The following TANC2 variants were observed in gnomAD, a reference collection of about 807,000 sequenced individuals.
TANC2 encodes tetratricopeptide repeat, ankyrin repeat and coiled-coil containing 2.
Under a neutral mutation model 210.5 loss-of-function variants are expected in TANC2, and 26 were observed. The observed-to-expected ratio is 0.12, with a 90% CI of 0.09 to 0.17. TANC2 has a LOEUF of 0.17. Ranked by LOEUF, TANC2 falls within the 10% of genes least tolerant of loss-of-function variation. The probability of loss-of-function intolerance (pLI) is 1.00; values close to 1 mark genes in which losing one functional copy is unlikely to be tolerated. For missense variants in TANC2, 2,129 were observed against 2,608.9 expected, an observed-to-expected ratio of 0.82 and a Z score of 4.01; for synonymous variants, 931 against 967.1, an observed-to-expected ratio of 0.96 and a Z score of 0.69.
chr17:63,360,241 C>A (rs1198520989), intron 14 of TANC2, among the ~76,000 whole-genome samples: 1 of 152,228 alleles, frequency 6.6e-6, no homozygotes, highest in Non-Finnish European at 1.5e-5. Context: ...CTTACCCTCA[C>A]TGAAGCACAA....
chr17:63,175,902 C>G (rs62077967), intron 5 of TANC2, among the ~76,000 whole-genome samples: 2,688 of 152,288 alleles, frequency 0.018, 45 homozygotes, highest in Non-Finnish European at 0.028. Context: ...AATATTTGAA[C>G]AGTTGTTCAC....
At chr17:62,969,321 A>G (rs1396752507) in intron 1 of TANC2, among the ~76,000 whole-genome samples, 1 of 152,254 alleles carries the variant, frequency 6.6e-6, no homozygotes, top group African/African-American at 2.4e-5. Context: ...GCTGAGAAGT[A>G]GAAGAGCTAA....
At chr17:63,260,659 G>A (rs2043328669) in intron 8 of TANC2, among the ~76,000 whole-genome samples, 1 of 151,894 alleles carries the variant, frequency 6.6e-6, no homozygotes, top group Non-Finnish European at 1.5e-5. Context: ...CGCCTACTCG[G>A]AAGGCTAAGG....
chr17:63,261,817 A>C (rs756100637), intron 8 of TANC2, among the ~76,000 whole-genome samples: 3 of 152,238 alleles, frequency 2.0e-5, no homozygotes, highest in African/African-American at 7.2e-5. Context: ...CATTTTCAGC[A>C]CAACAAACTC....
chr17:63,297,587 G>T (rs2044574871), intron 9 of TANC2, among the ~76,000 whole-genome samples: 1 of 152,032 alleles, frequency 6.6e-6, no homozygotes, highest in African/African-American at 2.4e-5. Context: ...ACAGATAAGA[G>T]CTCCAACTGT....
rs142878673 is a variant in TANC2 at position 62,970,144 on chromosome 17, A to G, written c.-24+3395A>G. ...ATTGCTTCTGCCATTCTTTTTCAACAGAAACCTTTCCTTATTGTGCTGCGA... is the reference window on the plus strand; with the variant it reads ...ATTGCTTCTGCCATTCTTTTTCAACGGAAACCTTTCCTTATTGTGCTGCGA... On this transcript the variant is annotated intron_variant, in intron 1 of 27. Transcript: ENST00000689528. 3.5e-3 allele frequency among the ~76,000 whole-genome samples: 529 copies of G among 152,352 alleles called. 3 individuals carry two copies. Among genetic ancestry groups the G allele is most frequent in the African/African-American group, 0.012 (490 of 41,584 alleles).
intron 7 of TANC2, among the ~76,000 whole-genome samples, chr17:63,205,897 G>A (rs2041694437): frequency 6.6e-6 from 1 of 151,912 alleles, no homozygotes; most frequent in African/African-American, 2.4e-5. Flanking sequence ...GACAGAGCAA[G>A]ACTTCATCTC....
At chr17:63,426,684 T>C (rs966434587) in exon 28 of TANC2, 21 of 152,296 alleles carry the variant, frequency 1.4e-4, no homozygotes, top group African/African-American at 5.1e-4. Context: ...TGCCTCCTGC[T>C]GACTCTGATA....
intron 2 of TANC2, among the ~76,000 whole-genome samples, chr17:63,047,591 G>A (rs1045654943): frequency 9.9e-5 from 15 of 152,080 alleles, no homozygotes; most frequent in South Asian, 8.3e-4. Flanking sequence ...TGAGTTTGAG[G>A]TATATTTGAG....
intron 9 of TANC2, among the ~76,000 whole-genome samples, chr17:63,294,416 G>A (rs1031184406): frequency 6.6e-6 from 1 of 152,046 alleles, no homozygotes; most frequent in African/African-American, 2.4e-5. Flanking sequence ...TGAGACTGCA[G>A]TGGGCTGTGA....
At chr17:63,282,622 G>A in intron 9 of TANC2, among the ~76,000 whole-genome samples, 1 of 152,082 alleles carries the variant, frequency 6.6e-6, no homozygotes. Context: ...GATATTCAAA[G>A]TGGTTGTATC....
chr17:63,036,986 A>G (rs1240820040), intron 2 of TANC2, among the ~76,000 whole-genome samples: 1 of 152,060 alleles, frequency 6.6e-6, no homozygotes, highest in Non-Finnish European at 1.5e-5. Flanking sequence ...TTACACATAC[A>G]TAGGTACCTA....
intron 14 of TANC2, among the ~76,000 whole-genome samples, chr17:63,359,802 CAAATT>C (rs1026406768): frequency 1.4e-4 from 22 of 152,094 alleles, no homozygotes; most frequent in Non-Finnish European, 2.9e-4. Context: ...CTGATTTCCT[CAAATT>C]AAAGACAGCA....
chr17:62,983,787 TG>T (rs1362514215), intron 1 of TANC2, among the ~76,000 whole-genome samples: 1 of 152,196 alleles, frequency 6.6e-6, no homozygotes, highest in African/African-American at 2.4e-5. Flanking sequence ...TTGTGTATGT[TG>T]AACCATAATT....
intron 10 of TANC2, among the ~76,000 whole-genome samples, chr17:63,318,548 T>C (rs1320432722): frequency 6.6e-6 from 1 of 152,244 alleles, no homozygotes; most frequent in Admixed American, 6.5e-5. Context: ...TTTCTGTCTC[T>C]ACAGATGTTT....
intron 21 of TANC2, among the ~76,000 whole-genome samples, chr17:63,406,846 A>G (rs929117734): frequency 6.6e-6 from 1 of 152,216 alleles, no homozygotes; most frequent in African/African-American, 2.4e-5. Context: ...TGTGACCTCT[A>G]TCACCTGTGC....
Position 63,220,719 on chromosome 17 carries a change from A to AAT in TANC2, c.770-17078_770-17077dup, listed in dbSNP as rs1266114806. On this transcript the variant is annotated intron_variant, in intron 7 of 27. Coordinates refer to ENST00000689528, the Ensembl canonical transcript of TANC2. ...AATCAGTCTCAAAAAAAAAAAAAAAAATATATATATATATATATGTATATA... is the reference window on the plus strand; with the variant it reads ...AATCAGTCTCAAAAAAAAAAAAAAAAATATATATATATATATATATGTATATA... Among the ~76,000 whole-genome samples, 388 of 134,358 alleles carry AAT rather than the reference A, an allele frequency of 2.9e-3. 5 individuals carry two copies. Among genetic ancestry groups the AAT allele is most frequent in the East Asian group, 7.8e-3 (37 of 4,732 alleles). 88.1% of individuals were successfully genotyped at this position (134,358 alleles called of 152,430 possible). A position where few individuals can be genotyped will look rare whatever the true frequency, so the allele number is the denominator to read the frequency against.
chr17:63,421,150 C>G lies in TANC2; in HGVS notation c.5420C>G (p.Ala1807Gly). The G allele has an allele frequency of 6.2e-7, 1 of 1,614,010 alleles. No homozygotes were observed. The change falls in exon 28 of 28, where the codon GCA becomes GGA. Residue 1807 changes from alanine to glycine, a missense_variant. Coordinates refer to ENST00000689528, the Ensembl canonical transcript of TANC2. This position sits in a 1 kb window ranked among gnomAD's most constrained non-coding sequence, Gnocchi z 6.9. The stretch of plus-strand genomic sequence containing the variant: ...CCACAGATCGGACGCAGCCAGTCAG[C>G]ATCCTATTACCCAGTCTGTCACTCA...
intron 14 of TANC2, among the ~76,000 whole-genome samples, chr17:63,369,491 T>C (rs1454812977): frequency 6.6e-6 from 1 of 152,114 alleles, no homozygotes; most frequent in African/African-American, 2.4e-5. Context: ...AGGACTCCTC[T>C]TCCTTTTTTC....
Sources: allele counts gnomAD v4.1 joint callset (sites outside exome capture counted in the v4.1 genomes callset), GRCh38; gene constraint gnomAD v4.1.1; non-coding constraint Gnocchi (gnomAD v3.1); transcripts MANE v1.5; gene names NCBI Gene and HGNC (gene_info 2026-07-23, HGNC 2026-07-21).